The following PKIB variants were observed in gnomAD, a reference collection of about 807,000 sequenced individuals.
PKIB encodes the protein cAMP-dependent protein kinase inhibitor beta, also known as PKI-beta.
A neutral mutation model predicts 4.5 loss-of-function variants in PKIB; 2 were observed. The observed-to-expected ratio is 0.44, with a 90% CI of 0.18 to 1.39. The LOEUF is 1.39. Ranked by LOEUF, PKIB falls within the 40% of genes most tolerant of loss-of-function variation. The pLI is 0.27. For synonymous variants in PKIB, 38 were observed against 36.0 expected (o/e 1.06, Z -0.20); for missense variants, 94 against 92.6 (o/e 1.02, Z -0.06).
intron 4 of PKIB, among the ~76,000 whole-genome samples, chr6:122,722,697 A>G (rs967256255): frequency 6.6e-6 from 1 of 152,204 alleles, no homozygotes; most frequent in African/African-American, 2.4e-5. Context: ...AGCACCTGCC[A>G]TGTTAATTAG....
At chr6:122,713,376 T>G (rs1779349099) in intron 3 of PKIB, among the ~76,000 whole-genome samples, 2 of 152,156 alleles carry the variant, frequency 1.3e-5, no homozygotes, top group Non-Finnish European at 2.9e-5. Context: ...CATAACATAA[T>G]TAGCTATTTA....
At position 122,576,443 on chromosome 6, in the gene PKIB, C is replaced by T. The variant is rs552425597; in HGVS notation, c.-247-9478C>T. ...CAGAACTTTGGGAGGCCAAGGCAGGCGGATCACGAGGTCAGGAGATCAAGA... is the reference window on the plus strand; with the variant it reads ...CAGAACTTTGGGAGGCCAAGGCAGGTGGATCACGAGGTCAGGAGATCAAGA... On this transcript the variant is annotated intron_variant, in intron 2 of 6. Coordinates refer to the PKIB transcript ENST00000392491. 5.3e-5 allele frequency among the ~76,000 whole-genome samples: 8 copies of T among 151,818 alleles called. No homozygotes were observed. The South Asian group carries it at 6.2e-4, about 12-fold the overall frequency.
chr6:122,656,879 C>G (rs2114899146), intron 2 of PKIB, among the ~76,000 whole-genome samples: 1 of 152,346 alleles, frequency 6.6e-6, no homozygotes, highest in South Asian at 2.1e-4. Flanking sequence ...GAGGCTGTCT[C>G]TGTCTCCTCA....
intron 3 of PKIB, among the ~76,000 whole-genome samples, chr6:122,696,801 A>G (rs1330917223): frequency 1.3e-5 from 2 of 152,242 alleles, no homozygotes; most frequent in Admixed American, 6.5e-5. Flanking sequence ...AACTGGACAC[A>G]TTGCAGCTCA....
chr6:122,591,174 C>CCA (rs1554222327), intron 3 of PKIB, among the ~76,000 whole-genome samples: 5 of 150,740 alleles, frequency 3.3e-5, no homozygotes, highest in Non-Finnish European at 7.4e-5. Flanking sequence ...GGTCCCCCCC[C>CCA]ACATCTAATT....
intron 2 of PKIB, among the ~76,000 whole-genome samples, chr6:122,519,707 C>A (rs1162561000): frequency 6.6e-6 from 1 of 152,126 alleles, no homozygotes; most frequent in Non-Finnish European, 1.5e-5. Context: ...AAAAGTGATA[C>A]AAGGTTTTAT....
At chr6:122,518,261 T>C (rs1015500514) in intron 2 of PKIB, among the ~76,000 whole-genome samples, 1 of 152,198 alleles carries the variant, frequency 6.6e-6, no homozygotes, top group African/African-American at 2.4e-5. Context: ...CAGTGGGCTG[T>C]ATTTGGACTG....
chr6:122,533,363 T>C (rs1241549794), intron 2 of PKIB, among the ~76,000 whole-genome samples: 1 of 152,002 alleles, frequency 6.6e-6, no homozygotes, highest in Non-Finnish European at 1.5e-5. Context: ...AGAAATGGGG[T>C]CTTGCTATGT....
intron 3 of PKIB, among the ~76,000 whole-genome samples, chr6:122,602,678 G>A (rs1374262673): frequency 1.3e-5 from 2 of 152,154 alleles, no homozygotes; most frequent in East Asian, 3.9e-4. Flanking sequence ...ACTTTGAGAG[G>A]CCGAGGCAGG....
chr6:122,685,838 A>G (rs1778073052), intron 3 of PKIB, among the ~76,000 whole-genome samples: 1 of 152,060 alleles, frequency 6.6e-6, no homozygotes, highest in Non-Finnish European at 1.5e-5. Context: ...GTAACCATCC[A>G]TCTGCTCTCT....
intron 3 of PKIB, among the ~76,000 whole-genome samples, chr6:122,690,401 GT>G: frequency 6.6e-6 from 1 of 151,664 alleles, no homozygotes; most frequent in South Asian, 2.1e-4. Context: ...ATTTTTTTGT[GT>G]ATTTGTTGTA....
chr6:122,512,656 G>T (rs1411273439), intron 2 of PKIB, among the ~76,000 whole-genome samples: 1 of 151,986 alleles, frequency 6.6e-6, no homozygotes, highest in Non-Finnish European at 1.5e-5. Context: ...ACTGGCTTTG[G>T]TATCCTTCGA....
At chr6:122,481,850 C>T (rs763605045) in intron 2 of PKIB, 12 of 151,946 alleles carry the variant, frequency 7.9e-5, no homozygotes, top group Non-Finnish European at 1.8e-4. Flanking sequence ...CCTATTTTAC[C>T]TGTAGTTAAC....
At chr6:122,657,595 G>GTCTC (rs1267903633) in intron 2 of PKIB, among the ~76,000 whole-genome samples, 7 of 152,176 alleles carry the variant, frequency 4.6e-5, no homozygotes, top group Admixed American at 2.6e-4. Context: ...TATTGGGATT[G>GTCTC]TCTCTAGTTT....
At chr6:122,698,636 G>A (rs985280669) in intron 3 of PKIB, among the ~76,000 whole-genome samples, 5 of 152,162 alleles carry the variant, frequency 3.3e-5, no homozygotes, top group African/African-American at 1.2e-4. Context: ...AGATGAGGTC[G>A]CTGAAGCCTC....
rs141159834 is a variant in PKIB, at chr6:122,669,738, T to G, written c.-75-5340T>G. Among the ~76,000 whole-genome samples, 12 of 152,290 alleles carry G rather than the reference T, an allele frequency of 7.9e-5. No homozygotes were observed. The East Asian group carries it at 2.3e-3, about 29-fold the overall frequency. ...TCTCACCTGTTATTTTGTTGGTGGT[T>G]CCAGTATTGTCCTAGTTCCCTGGGC... On this transcript the variant is annotated intron_variant, in intron 2 of 4. Coordinates refer to ENST00000368452, the MANE Select transcript of PKIB (RefSeq NM_181795.3).
chr6:122,674,947 G>A (rs1024202319), intron 2 of PKIB, 131 bp from the exon 3 acceptor site: 3 of 152,086 alleles, frequency 2.0e-5, no homozygotes, highest in South Asian at 2.1e-4. Flanking sequence ...GGCTTTTCCC[G>A]AGAAAGTCAG....
At chr6:122,609,858 T>C (rs1253769622), upstream of PKIB, among the ~76,000 whole-genome samples, 1 of 152,196 alleles carries the variant, frequency 6.6e-6, no homozygotes, top group Non-Finnish European at 1.5e-5. Context: ...TGCATATTGC[T>C]TCCTAATCTG....
At chr6:122,476,016 G>A (rs1775443989) in intron 1 of PKIB, among the ~76,000 whole-genome samples, 1 of 151,976 alleles carries the variant, frequency 6.6e-6, no homozygotes, top group African/African-American at 2.4e-5. Context: ...TTGTGAGAGT[G>A]GAACAGATTT....
Sources: gnomAD v4.1 joint callset for allele counts (sites outside exome capture counted in the v4.1 genomes callset) on GRCh38, gnomAD v4.1.1 for gene constraint, MANE v1.5 for transcripts, NCBI Gene and HGNC (gene_info 2026-07-23, HGNC 2026-07-21) for gene names.